GATM: variants seen among roughly 807,000 people sequenced by gnomAD.
The protein encoded by GATM is glycine amidinotransferase, also known as glycine amidinotransferase, mitochondrial.
Under a neutral mutation model 54.2 loss-of-function variants are expected in GATM, and 23 were observed. The observed-to-expected ratio is 0.42, with a 90% confidence interval of 0.31 to 0.60. The LOEUF (loss-of-function observed/expected upper bound fraction) is 0.60, where lower values mean the gene tolerates loss of function less well. GATM is among the 20% of genes least tolerant of loss of function. The pLI is 0.14. For missense variants in GATM, 401 were observed against 544.9 expected, an observed-to-expected ratio of 0.74 and a Z score of 2.63; for synonymous variants, 168 against 183.1, an observed-to-expected ratio of 0.92 and a Z score of 0.67.
At chr15:45,393,264 T>TGGTGGGTG (rs1469365052) in intron 3 of GATM, among the ~76,000 whole-genome samples, 1 of 152,188 alleles carries the variant, frequency 6.6e-6, no homozygotes, top group Non-Finnish European at 1.5e-5. Flanking sequence ...AAAGCCAGAT[T>TGGTGGGTG]TGGTTATAGC....
At chr15:45,399,789 G>A (rs1014779693) in intron 1 of GATM, among the ~76,000 whole-genome samples, 6 of 152,176 alleles carry the variant, frequency 3.9e-5, no homozygotes, top group Admixed American at 6.5e-5. Context: ...TAGCCTTCAG[G>A]CTTAGTTGGT....
At chr15:45,383,465 G>T (rs1889768822), upstream of GATM, among the ~76,000 whole-genome samples, 1 of 152,150 alleles carries the variant, frequency 6.6e-6, no homozygotes, top group Non-Finnish European at 1.5e-5. Context: ...TCTGCTCCAA[G>T]GGATCTTCTT....
rs1338210751 is a variant in GATM at position 45,362,360 on chromosome 15, A to C, written c.1160-139T>G. ...AACCCAGAATAGTATTTTCTCTTCC[A>C]ATTTTATTTTCACCAACTATATTTC... On this transcript the variant is annotated intron_variant, in intron 8 of 8. Coordinates refer to ENST00000396659, the MANE Select transcript of GATM (RefSeq NM_001482.3). 4.5e-6 allele frequency: 3 copies of C among 672,940 alleles called. No homozygotes were observed. The East Asian group carries it at 8.2e-5, about 18-fold the overall frequency. The allele number at this position is 672,940 out of a possible 1,614,324, so 41.7% of individuals were successfully genotyped here. A position where few individuals can be genotyped will look rare whatever the true frequency, so the allele number is the denominator to read the frequency against.
upstream of GATM, chr15:45,378,763 C>A: frequency 3.1e-6 from 1 of 321,054 alleles, no homozygotes; most frequent in Non-Finnish European, 5.7e-6. Context: ...CGGACCCGGA[C>A]CCAGACCCGA....
chr15:45,399,774 T>A (rs1036967406), intron 1 of GATM, among the ~76,000 whole-genome samples: 1 of 152,200 alleles, frequency 6.6e-6, no homozygotes, highest in Non-Finnish European at 1.5e-5. Flanking sequence ...GTCCTAACAA[T>A]CCTGTAGCCT....
chr15:45,380,858 C>T (rs1416004342), upstream of GATM, among the ~76,000 whole-genome samples: 2 of 152,140 alleles, frequency 1.3e-5, no homozygotes, highest in African/African-American at 4.8e-5. Flanking sequence ...AAAGCACTCA[C>T]TCCTCCTTTT....
chr15:45,377,582 C>T, intron 1 of GATM: 1 of 281,532 alleles, frequency 3.6e-6, no homozygotes, highest in Non-Finnish European at 6.9e-6. Context: ...AACCCCTGAG[C>T]AAACCTCAAC....
chr15:45,371,278 A>C (rs1473681008), intron 2 of GATM, among the ~76,000 whole-genome samples: 1 of 152,250 alleles, frequency 6.6e-6, no homozygotes, highest in Non-Finnish European at 1.5e-5. Flanking sequence ...CTTCATCAAA[A>C]GATTAGCAAA....
chr15:45,362,305 G>C (rs1223525765), intron 8 of GATM, 84 bp from the exon 9 acceptor site: 7 of 827,042 alleles, frequency 8.5e-6, no homozygotes, highest in Admixed American at 1.9e-5. Context: ...ACTTGGAGGA[G>C]TCCTGTGGTT....
In GATM at chr15:45,364,788, T is replaced by G. The variant is rs1424179195; in HGVS notation, c.1042+9A>C. The stretch of plus-strand genomic sequence containing the variant: ...ATTTTAGTCTAACAGTGTATGAAAG[T>G]AAACATACCGTCTGGGATGATTGGT... On this transcript the variant is annotated intron_variant, in intron 7 of 8. Transcript: ENST00000396659. 6.2e-7 allele frequency: 1 copy of G among 1,610,284 alleles called. No individual in the cohort carries two copies. The highest frequency in any genetic ancestry group is 8.5e-7 in the Non-Finnish European group (1 of 1,176,558).
At chr15:45,372,968 C>T (rs1239753843) in intron 2 of GATM, among the ~76,000 whole-genome samples, 1 of 152,236 alleles carries the variant, frequency 6.6e-6, no homozygotes, top group Non-Finnish European at 1.5e-5. Flanking sequence ...TTTTAATAAT[C>T]TGTTGCAAAG....
rs189457810 is a variant in GATM, at chr15:45,391,107, G to A, written c.-319+5815C>T. Among the ~76,000 whole-genome samples, 582 of 152,158 alleles carry A rather than the reference G, an allele frequency of 3.8e-3. 3 individuals carry two copies. Among genetic ancestry groups the A allele is most frequent in the Middle Eastern group, 0.014 (4 of 294 alleles). On this transcript the variant is annotated intron_variant, in intron 3 of 4. Coordinates refer to the GATM transcript ENST00000561148. Reference sequence around the variant, plus strand: ...TACCTTAGAAAGGTATTTTGTATACGTTTCAAAACAACGTTGGCTGGGAGC... The same window carrying A: ...TACCTTAGAAAGGTATTTTGTATACATTTCAAAACAACGTTGGCTGGGAGC...
At chr15:45,373,451 C>A (rs917407249) in intron 2 of GATM, 16 of 151,932 alleles carry the variant, frequency 1.1e-4, no homozygotes, top group Middle Eastern at 3.2e-3. Context: ...TGCAGCGAGC[C>A]GAGCTCACGC....
intron 1 of GATM, among the ~76,000 whole-genome samples, chr15:45,400,940 C>A (rs1041063437): frequency 1.3e-5 from 2 of 149,698 alleles, no homozygotes; most frequent in East Asian, 4.0e-4. Flanking sequence ...GTAATTCACA[C>A]CTTTAGGGGT....
chr15:45,391,177 G>A (rs1889869119), intron 3 of GATM, among the ~76,000 whole-genome samples: 1 of 151,996 alleles, frequency 6.6e-6, no homozygotes, highest in Non-Finnish European at 1.5e-5. Flanking sequence ...GGCCAAGGCA[G>A]GTGGATCATC....
intron 2 of GATM, 71 bp from the exon 3 acceptor site, chr15:45,369,592 T>A (rs906187987): frequency 4.6e-6 from 6 of 1,312,956 alleles, no homozygotes; most frequent in Middle Eastern, 1.8e-4. Flanking sequence ...TCATAGGCAG[T>A]AAACAGCTCT....
rs550274233 is a variant in GATM, at chr15:45,363,091, T to A, written c.1159+809A>T. Among the ~76,000 whole-genome samples, 4 of 152,248 alleles carry A rather than the reference T, an allele frequency of 2.6e-5. No individual in the cohort carries two copies. In the South Asian group the frequency reaches 8.3e-4, roughly 32 times the overall value. ...TGAGGTCAGGAGTTCGAGACCAGCC[T>A]GGCCAAGCCCCTCTCTACTAAAAAT... On this transcript the variant is annotated intron_variant, in intron 8 of 8. Transcript: ENST00000396659.
chr15:45,387,168 TG>T (rs1889813485), intron 3 of GATM, among the ~76,000 whole-genome samples: 1 of 152,216 alleles, frequency 6.6e-6, no homozygotes, highest in Non-Finnish European at 1.5e-5. Flanking sequence ...CTGCCTTTTC[TG>T]GAAAGTTATG....
intron 2 of GATM, among the ~76,000 whole-genome samples, chr15:45,374,376 A>G (rs545793308): frequency 6.6e-6 from 1 of 152,368 alleles, no homozygotes; most frequent in East Asian, 1.9e-4. Context: ...ATCATTTTAA[A>G]GACAAGTAGA....
Sources: gnomAD v4.1 joint callset for allele counts (sites outside exome capture counted in the v4.1 genomes callset) on GRCh38, gnomAD v4.1.1 for gene constraint, MANE v1.5 for transcripts, NCBI Gene and HGNC (gene_info 2026-07-23, HGNC 2026-07-21) for gene names.